Variants in RAB36 observed in about 807,000 individuals in gnomAD.
The protein encoded by RAB36 is ras-related protein Rab-36.
In RAB36, 33 loss-of-function variants were observed where a neutral mutation model predicts 39.3. That is an observed-to-expected ratio of 0.84 (90% CI 0.64 to 1.12). The LOEUF (loss-of-function observed/expected upper bound fraction) is 1.12. RAB36 is among the 50% of genes most tolerant of loss of function. The pLI is 0.00. For synonymous variants in RAB36, 133 were observed against 140.2 expected, an observed-to-expected ratio of 0.95 and a Z score of 0.36; for missense variants, 308 against 355.3, an observed-to-expected ratio of 0.87 and a Z score of 1.07.
At chr22:23,161,059 C>T (rs895315346) in intron 10 of RAB36, 61 bp downstream of exon 10, 96 of 1,534,510 alleles carry the variant, frequency 6.3e-5, no homozygotes, top group South Asian at 5.8e-4. Context: ...AATCCACATG[C>T]GCCATCCTCG....
At position 23,153,058 on chromosome 22, in the gene RAB36, G is replaced by C. The variant is rs973049611; in HGVS notation, c.253G>C (p.Asp85His). Reference sequence around the variant, plus strand: ...GTTTTGCAAGAATGTTTTTGATCGAGACTACAAGGCCACCATTGGGGTGGA... The same window carrying C: ...GTTTTGCAAGAATGTTTTTGATCGACACTACAAGGCCACCATTGGGGTGGA... ...HRFCKNVFDR[D>H]YKATIGVDFE... The change falls in exon 5 of 11, where the codon GAC becomes CAC. Residue 85 changes from aspartate to histidine, a missense_variant. By Grantham distance (81) the Asp-to-His change is moderately conservative (BLOSUM62 -1). Coordinates refer to ENST00000263116, the MANE Select transcript of RAB36 (RefSeq NM_004914.5). 1 of 1,613,950 alleles carries C rather than the reference G, an allele frequency of 6.2e-7. No individual in the cohort carries two copies.
rs796274873 is a variant in RAB36, at chr22:23,164,688, C to T, written c.*3124C>T. Among the ~76,000 whole-genome samples the T allele has an allele frequency of 2.0e-5, 3 of 152,188 alleles. No individual in the cohort carries two copies. Among genetic ancestry groups the T allele is most frequent in the Admixed American group, 1.3e-4 (2 of 15,284 alleles). The stretch of plus-strand genomic sequence containing the variant: ...GGTGCGGCAATGACCACAGTGACCG[C>T]GTCCAAGTGCTGCCGAAACGCCTTT... On this transcript the variant is annotated 3_prime_UTR_variant, in exon 11 of 11. Transcript: ENST00000263116.
rs2071983026 is a variant in RAB36 at position 23,164,393 on chromosome 22, T to C, written c.*2829T>C. Reference sequence around the variant, plus strand: ...TTCCCACACACCCTGACTGACATAGTTGTGGCCTCTCGAACTTTGATATTT... The same window carrying C: ...TTCCCACACACCCTGACTGACATAGCTGTGGCCTCTCGAACTTTGATATTT... On this transcript the variant is annotated 3_prime_UTR_variant, in exon 11 of 11. Coordinates refer to ENST00000263116, the MANE Select transcript of RAB36 (RefSeq NM_004914.5). The C allele has an allele frequency of 6.6e-6, 1 of 152,236 alleles. No individual in the cohort carries two copies. The highest frequency in any genetic ancestry group is 1.5e-5 in the Non-Finnish European group (1 of 68,052). 9.4% of individuals were successfully genotyped at this position (152,236 alleles called of 1,614,324 possible).
intron 3 of RAB36, among the ~76,000 whole-genome samples, chr22:23,151,333 G>A (rs556858257): frequency 1.3e-5 from 2 of 152,328 alleles, no homozygotes; most frequent in South Asian, 2.1e-4. Context: ...GGTACCTGCT[G>A]TAAGACCTTG....
intron 9 of RAB36, among the ~76,000 whole-genome samples, chr22:23,160,478 G>T (rs2071715442): frequency 6.6e-6 from 1 of 152,228 alleles, no homozygotes; most frequent in South Asian, 2.1e-4. Context: ...AATCCTCACA[G>T]CCCCACCGGA....
chr22:23,152,396 G>C, intron 3 of RAB36, 65 bp from the exon 4 acceptor site: 1 of 1,532,088 alleles, frequency 6.5e-7, no homozygotes, highest in Non-Finnish European at 9.0e-7. Context: ...GAAGGAAGGG[G>C]CTGTGAGTGT....
intron 9 of RAB36, among the ~76,000 whole-genome samples, chr22:23,160,145 CTG>C (rs1255439607): frequency 6.6e-6 from 1 of 152,170 alleles, no homozygotes; most frequent in Non-Finnish European, 1.5e-5. Context: ...TAGTCGGAGA[CTG>C]GGTGAGCACT....
In RAB36 at chr22:23,162,729, G is replaced by A. The variant is rs5759620; in HGVS notation, c.*1165G>A. 234,882 of 455,854 alleles carry A rather than the reference G, an allele frequency of 0.52. 61,155 individuals are homozygous for A. The highest frequency in any genetic ancestry group is 0.64 in the East Asian group (9,241 of 14,366). The allele number at this position is 455,854 out of a possible 1,614,324, so 28.2% of individuals were successfully genotyped here. ...CACCCGTCTCGTGCTGTTGCTTCCC[G>A]TAGATGGCGAGCACCTTGCAGGCAG... On this transcript the variant is annotated 3_prime_UTR_variant, in exon 11 of 11. Transcript: ENST00000263116.
intron 3 of RAB36, 72 bp downstream of exon 3, chr22:23,150,226 T>C (rs2071030250): frequency 8.3e-7 from 1 of 1,211,288 alleles, no homozygotes; most frequent in Non-Finnish European, 1.2e-6. Context: ...CGTGAAAGAA[T>C]GAACAAATGA....
chr22:23,166,147 TA>T (rs695297), downstream of RAB36, among the ~76,000 whole-genome samples: 1,122 of 59,856 alleles, frequency 0.019, 43 homozygotes, highest in African/African-American at 0.026. Context: ...CTCTGTCTTT[TA>T]AAAAAAAAAA....
At chr22:23,168,910 CT>C (rs2072093995), downstream of RAB36, among the ~76,000 whole-genome samples, 1 of 152,184 alleles carries the variant, frequency 6.6e-6, no homozygotes, top group Non-Finnish European at 1.5e-5. Context: ...GTTGGCACCC[CT>C]AGCCTGAGGG....
rs1296942683 is a variant in RAB36 at position 23,161,518 on chromosome 22, C to T, written c.758C>T (p.Pro253Leu). 6.2e-7 allele frequency: 1 copy of T among 1,612,902 alleles called. No individual in the cohort carries two copies. Among genetic ancestry groups the T allele is most frequent in the African/African-American group, 1.3e-5 (1 of 74,928 alleles). The change falls in exon 11 of 11, where the codon CCC (proline) becomes CTC (leucine). Residue 253 changes from proline (P) to leucine (L), a missense_variant. Pro to Leu is a moderately conservative substitution (Grantham distance 98). Coordinates refer to ENST00000263116, the MANE Select transcript of RAB36 (RefSeq NM_004914.5). ...CTTACAGAAATGGAAGGGAGTCCGC[C>T]CGAGACCCAGGAGAGCAAGAGGCCC... ...GDLIQMEGSPPETQESKRPSS... is the reference protein window; with the variant it reads ...GDLIQMEGSPLETQESKRPSS...
intron 9 of RAB36, among the ~76,000 whole-genome samples, chr22:23,160,325 G>A (rs568151218): frequency 6.8e-6 from 1 of 147,648 alleles, no homozygotes; most frequent in Non-Finnish European, 1.5e-5. Context: ...AAGCAGGACT[G>A]CCCTATGCGG....
At chr22:23,158,841 C>T (rs1009021547) in intron 7 of RAB36, 57 bp from the exon 8 acceptor site, 4 of 1,516,910 alleles carry the variant, frequency 2.6e-6, no homozygotes, top group Non-Finnish European at 3.7e-6. Context: ...TGCCCTCTGC[C>T]CCCTGTTTGG....
chr22:23,158,028 C>A lies in RAB36; in HGVS notation c.431C>A (p.Thr144Asn), dbSNP rs1367080835. Residue 144 changes from threonine to asparagine, a missense_variant, in exon 7 of 11, where the codon ACC (threonine) becomes AAC (asparagine). Physicochemically the swap from Thr to Asn is moderately conservative, Grantham distance 65. Coordinates refer to ENST00000263116, the MANE Select transcript of RAB36 (RefSeq NM_004914.5). ...ITAFDLTDVQ[T>N]LEHTRQWLED... Reference sequence around the variant, plus strand: ...GCCTTTGACCTCACTGACGTGCAGACCCTGGAGCATACCAGGTAAGTCTGG... The same window carrying A: ...GCCTTTGACCTCACTGACGTGCAGAACCTGGAGCATACCAGGTAAGTCTGG... 1 of 1,614,066 alleles carries A rather than the reference C, an allele frequency of 6.2e-7. No homozygotes were observed. Among genetic ancestry groups the A allele is most frequent in the Admixed American group, 1.7e-5 (1 of 60,000 alleles).
At chr22:23,150,607 CTG>C (rs902303319) in intron 3 of RAB36, among the ~76,000 whole-genome samples, 1 of 152,118 alleles carries the variant, frequency 6.6e-6, no homozygotes, top group Admixed American at 6.5e-5. Flanking sequence ...AGCCAGATGA[CTG>C]GGGTTTTCAT....
chr22:23,169,017 C>T (rs1024475605), downstream of RAB36, among the ~76,000 whole-genome samples: 1 of 152,220 alleles, frequency 6.6e-6, no homozygotes, highest in Non-Finnish European at 1.5e-5. Context: ...AATTTCGCCT[C>T]CTGTGAAGGC....
At chr22:23,161,390 A>C in intron 10 of RAB36, 110 bp from the exon 11 acceptor site, 1 of 997,900 alleles carries the variant, frequency 1.0e-6, no homozygotes, top group Admixed American at 2.0e-5. Flanking sequence ...CTTGAACAGC[A>C]GGCCCAGAAG....
At chr22:23,161,283 G>C (rs1429733728) in intron 10 of RAB36, among the ~76,000 whole-genome samples, 1 of 152,180 alleles carries the variant, frequency 6.6e-6, no homozygotes, top group Non-Finnish European at 1.5e-5. Context: ...AGGCTCTGCA[G>C]ATGTGTCCTG....
Sources: gnomAD v4.1 joint callset for allele counts (sites outside exome capture counted in the v4.1 genomes callset) on GRCh38, gnomAD v4.1.1 for gene constraint, MANE v1.5 for transcripts, NCBI Gene and HGNC (gene_info 2026-07-23, HGNC 2026-07-21) for gene names.